VASP: variants seen among roughly 807,000 people sequenced by gnomAD.
The protein encoded by VASP is vasodilator stimulated phosphoprotein.
VASP carries 27 observed loss-of-function variants against 54.4 expected under a neutral mutation model. The ratio of observed to expected loss-of-function variants is 0.50; its 90% CI spans 0.37 to 0.68. VASP has a LOEUF of 0.68. Ranked by LOEUF, VASP falls within the 30% of genes least tolerant of loss-of-function variation. The pLI is 0.00. For synonymous variants in VASP, 233 were observed against 209.8 expected (o/e 1.11, Z -0.96); for missense variants, 488 against 528.3 (o/e 0.92, Z 0.75).
At chr19:45,508,702 C>T (rs79768806) in intron 1 of VASP, among the ~76,000 whole-genome samples, 1,938 of 152,284 alleles carry the variant, frequency 0.013, 49 homozygotes, top group African/African-American at 0.044. Context: ...CCACCCGGAG[C>T]CTTGGGGTTG....
intron 1 of VASP, among the ~76,000 whole-genome samples, chr19:45,511,755 C>T (rs1474482598): frequency 1.3e-5 from 2 of 152,120 alleles, no homozygotes; most frequent in Non-Finnish European, 2.9e-5. Flanking sequence ...TAATTTCAAC[C>T]CATGATAAGA....
intron 1 of VASP, among the ~76,000 whole-genome samples, chr19:45,516,983 CAAAAAAAAA>C (rs112095290): frequency 3.3e-4 from 19 of 57,856 alleles, no homozygotes; most frequent in Admixed American, 8.0e-4. Flanking sequence ...GACTCTGTCT[CAAAAAAAAA>C]AAAAAAAAAA....
rs754014244 is a variant in VASP, at chr19:45,526,219, C to T, written c.*42C>T. 1.0e-5 allele frequency: 16 copies of T among 1,582,882 alleles called. No individual in the cohort carries two copies. Among genetic ancestry groups the T allele is most frequent in the Non-Finnish European group, 1.2e-5 (14 of 1,169,848 alleles). ...GACCCGCTTCTCCTTTCCGCACACC[C>T]GGCCTGTCACCCTGCTTTCCCTGCC... On this transcript the variant is annotated 3_prime_UTR_variant, in exon 13 of 13. Transcript: ENST00000245932.
At chr19:45,508,510 C>T (rs981255861) in intron 1 of VASP, among the ~76,000 whole-genome samples, 7 of 152,170 alleles carry the variant, frequency 4.6e-5, no homozygotes, top group Non-Finnish European at 7.4e-5. Flanking sequence ...GCCATAAGGG[C>T]GGCCCGGCTC....
rs147565420 is a variant in VASP at position 45,521,816 on chromosome 19, G to C, written c.429-352G>C. The stretch of plus-strand genomic sequence containing the variant: ...AGGCAGGAGAATCGCTTGAACCCGG[G>C]AGGCAGAGGTTGCAGTGAGCCAAGA... On this transcript the variant is annotated intron_variant, in intron 4 of 12. Coordinates refer to ENST00000245932, the MANE Select transcript of VASP (RefSeq NM_003370.4). 6.2e-3 allele frequency among the ~76,000 whole-genome samples: 941 copies of C among 152,104 alleles called. 11 individuals are homozygous for C. The highest frequency in any genetic ancestry group is 0.022 in the African/African-American group (893 of 41,482).
Position 45,507,706 on chromosome 19 carries a change from A to G in VASP, c.-66A>G. The G allele has an allele frequency of 6.6e-7, 1 of 1,510,546 alleles. No homozygotes were observed. Among genetic ancestry groups the G allele is most frequent in the Non-Finnish European group, 8.8e-7 (1 of 1,136,206 alleles). The allele number at this position is 1,510,546 out of a possible 1,614,324, so 93.6% of individuals were successfully genotyped here. On this transcript the variant is annotated 5_prime_UTR_variant, in exon 1 of 13. Transcript: ENST00000245932. This position sits in a 1 kb window ranked among gnomAD's most constrained non-coding sequence, Gnocchi z 4.4. ...CCCGGAGCCAGCCCCGAACCCCTGA[A>G]CCTCCAGCCAGGGGCGCCCCGGGAG...
At chr19:45,514,743 G>A (rs1362540269) in intron 1 of VASP, among the ~76,000 whole-genome samples, 1 of 152,186 alleles carries the variant, frequency 6.6e-6, no homozygotes, top group African/African-American at 2.4e-5. Context: ...GGCAGGTGTG[G>A]GTGAGGCCGA....
In VASP at chr19:45,507,598, C is replaced by T; in HGVS notation, c.-174C>T. On this transcript the variant is annotated 5_prime_UTR_variant, in exon 1 of 13. Coordinates refer to ENST00000245932, the MANE Select transcript of VASP (RefSeq NM_003370.4). This position sits in a 1 kb window ranked among gnomAD's most constrained non-coding sequence, Gnocchi z 4.4. ...CAGACCGCCTGAGGGAAGCGGCGCCCGGAGACCCGCCCCGGCCCGGTCCAC... is the reference window on the plus strand; with the variant it reads ...CAGACCGCCTGAGGGAAGCGGCGCCTGGAGACCCGCCCCGGCCCGGTCCAC... The T allele has an allele frequency of 1.4e-5, 10 of 733,708 alleles. No individual in the cohort carries two copies. Among genetic ancestry groups the T allele is most frequent in the South Asian group, 1.2e-4 (6 of 50,250 alleles). 45.4% of individuals were successfully genotyped at this position (733,708 alleles called of 1,614,324 possible). A position where few individuals can be genotyped will look rare whatever the true frequency, so the allele number is the denominator to read the frequency against.
At chr19:45,515,612 C>CCAGGA (rs1370919098) in intron 1 of VASP, among the ~76,000 whole-genome samples, 323 of 152,290 alleles carry the variant, frequency 2.1e-3, no homozygotes, top group African/African-American at 7.6e-3. Context: ...TCTCAGCTCA[C>CCAGGA]TGCGGCCTCC....
intron 12 of VASP, 50 bp downstream of exon 12, chr19:45,526,053 G>T: frequency 6.2e-7 from 1 of 1,613,454 alleles, no homozygotes; most frequent in South Asian, 1.1e-5. Context: ...TTATTTTGGA[G>T]GCATCATGTC....
rs145107945 is a variant in VASP at position 45,509,201 on chromosome 19, G to T, written c.5+1425G>T. ...TGTTCCTTCTGATGTGAAAGGCATG[G>T]CTGGAAAATTTGGAGCAAGGAGGAC... On this transcript the variant is annotated intron_variant, in intron 1 of 12. Transcript: ENST00000245932. Among the ~76,000 whole-genome samples the T allele has an allele frequency of 7.6e-3, 1,155 of 152,304 alleles. 7 individuals are homozygous for T. The highest frequency in any genetic ancestry group is 0.014 in the Middle Eastern group (4 of 294).
chr19:45,509,396 C>CG (rs1968554548), intron 1 of VASP, among the ~76,000 whole-genome samples: 3 of 152,182 alleles, frequency 2.0e-5, no homozygotes, highest in Admixed American at 6.5e-5. Flanking sequence ...CCTCCACCCC[C>CG]CCTCGCGTTT....
chr19:45,519,139 C>T (rs1253896725), intron 3 of VASP, among the ~76,000 whole-genome samples: 7 of 152,218 alleles, frequency 4.6e-5, no homozygotes, highest in East Asian at 1.9e-4. Flanking sequence ...CCTAGCCTCC[C>T]GAGTAGCTGG....
intron 4 of VASP, 90 bp downstream of exon 4, chr19:45,521,496 C>A: frequency 2.5e-6 from 3 of 1,199,962 alleles, no homozygotes; most frequent in Non-Finnish European, 2.3e-6. Context: ...AGAACCCAGC[C>A]AACTTGCAGT....
At chr19:45,508,420 C>T (rs1034110520) in intron 1 of VASP, among the ~76,000 whole-genome samples, 9 of 152,228 alleles carry the variant, frequency 5.9e-5, no homozygotes, top group African/African-American at 2.2e-4. Flanking sequence ...CCTTCCCCGT[C>T]GCTCCGCACA....
chr19:45,518,000 C>G lies in VASP; in HGVS notation c.249C>G (p.Arg83=). 1 of 1,613,946 alleles carries G rather than the reference C, an allele frequency of 6.2e-7. No homozygotes were observed. The highest frequency in any genetic ancestry group is 8.5e-7 in the Non-Finnish European group (1 of 1,179,992). The change falls in exon 3 of 13, where the codon CGC becomes CGG. Residue 83 remains arginine (R), a synonymous_variant. Coordinates refer to ENST00000245932, the MANE Select transcript of VASP (RefSeq NM_003370.4). The part of the protein sequence containing the change: ...NQATPNFHQW[R]DARQVWGLNF... The stretch of plus-strand genomic sequence containing the variant: ...CCACCCCCAACTTCCATCAGTGGCG[C>G]GACGCTCGCCAGGTCTGGGGCCTCA...
rs967004287 is a variant in VASP, at chr19:45,524,623, G to A, written c.1010G>A (p.Ser337Asn). The A allele has an allele frequency of 6.2e-7, 1 of 1,613,930 alleles. No individual in the cohort carries two copies. The highest frequency in any genetic ancestry group is 8.5e-7 in the Non-Finnish European group (1 of 1,179,960). ...TTSETQPCTPSSSDYSDLQRV... is the reference protein window; with the variant it reads ...TTSETQPCTPNSSDYSDLQRV... The stretch of plus-strand genomic sequence containing the variant: ...TCCGAGACCCAACCCTGCACGCCCA[G>A]CTCCAGTGATTACTCGGACCTACAG... The change falls in exon 11 of 13, where the codon AGC becomes AAC. Residue 337 changes from serine (S) to asparagine (N), a missense_variant. Coordinates refer to ENST00000245932, the MANE Select transcript of VASP (RefSeq NM_003370.4).
In VASP at chr19:45,524,606, C is replaced by G. The variant is rs533604315; in HGVS notation, c.993C>G (p.Thr331=). Residue 331 remains threonine (T), a synonymous_variant, in exon 11 of 13, where the codon ACC becomes ACG. Coordinates refer to ENST00000245932, the MANE Select transcript of VASP (RefSeq NM_003370.4). The part of the protein sequence containing the change: ...KSSSSVTTSE[T]QPCTPSSSDY... The stretch of plus-strand genomic sequence containing the variant: ...CTTCTTCGGTGACCACTTCCGAGAC[C>G]CAACCCTGCACGCCCAGCTCCAGTG... The G allele has an allele frequency of 6.2e-7, 1 of 1,613,868 alleles. No individual in the cohort carries two copies. The highest frequency in any genetic ancestry group is 1.3e-5 in the African/African-American group (1 of 74,854).
intron 1 of VASP, among the ~76,000 whole-genome samples, chr19:45,512,513 C>G (rs1568385712): frequency 6.6e-6 from 1 of 152,112 alleles, no homozygotes; most frequent in South Asian, 2.1e-4. Flanking sequence ...GTCTCAAACT[C>G]CTGACATCAA....
Sources: gnomAD v4.1 joint callset for allele counts (sites outside exome capture counted in the v4.1 genomes callset) on GRCh38, gnomAD v4.1.1 for gene constraint, Gnocchi (gnomAD v3.1) non-coding constraint, MANE v1.5 for transcripts, NCBI Gene and HGNC (gene_info 2026-07-23, HGNC 2026-07-21) for gene names.